NPLOC4: variants seen among roughly 807,000 people sequenced by gnomAD.
The protein encoded by NPLOC4 is NPL4 homolog, ubiquitin recognition factor.
In NPLOC4, 18 loss-of-function variants were observed where a neutral mutation model predicts 80.6. The ratio of observed to expected loss-of-function variants is 0.22; its 90% confidence interval spans 0.15 to 0.33. The LOEUF (loss-of-function observed/expected upper bound fraction) is 0.33, where lower values mean the gene tolerates loss of function less well. Ranked by LOEUF, NPLOC4 falls within the 10% of genes least tolerant of loss-of-function variation. NPLOC4 has a pLI of 1.00. For synonymous variants in NPLOC4, 313 were observed against 301.5 expected (o/e 1.04, Z -0.39); for missense variants, 540 against 786.1 (o/e 0.69, Z 3.74).
intron 8 of NPLOC4, among the ~76,000 whole-genome samples, chr17:81,602,116 AC>A (rs2035072439): frequency 6.6e-6 from 1 of 152,208 alleles, no homozygotes; most frequent in Admixed American, 6.5e-5. Flanking sequence ...AATGTCACAT[AC>A]AAAAAAAACA....
intron 16 of NPLOC4, among the ~76,000 whole-genome samples, chr17:81,561,390 G>A (rs1188143095): frequency 3.3e-5 from 5 of 152,138 alleles, no homozygotes; most frequent in Non-Finnish European, 5.9e-5. Flanking sequence ...CTAATACTGC[G>A]TCCCCCATTG....
At chr17:81,630,413 G>A (rs113948975) in intron 1 of NPLOC4, among the ~76,000 whole-genome samples, 8 of 151,904 alleles carry the variant, frequency 5.3e-5, no homozygotes, top group Non-Finnish European at 7.4e-5. Context: ...TCAGCCTCCC[G>A]AGAGCTGGAA....
chr17:81,596,235 T>C lies in NPLOC4; in HGVS notation c.1001A>G (p.Tyr334Cys). The C allele has an allele frequency of 6.2e-7, 1 of 1,612,492 alleles. No homozygotes were observed. The highest frequency in any genetic ancestry group is 1.3e-5 in the African/African-American group (1 of 75,002). The change falls in exon 11 of 17, where the codon TAT (tyrosine) becomes TGT (cysteine). Residue 334 changes from tyrosine (Y) to cysteine (C), a missense_variant. This residue lies in a region of NPLOC4 where 251 missense variants were observed against 377.5 expected (regional missense o/e 0.66). Coordinates refer to ENST00000331134, the MANE Select transcript of NPLOC4 (RefSeq NM_017921.4). Reference protein sequence around the residue: ...TVRYSRNKDTYFLSSEECITA... With the variant: ...TVRYSRNKDTCFLSSEECITA... ...GATGCACTCTTCTGAACTTAGGAAATAGGTGTCCTAAGACAAGAGAAGCAG... is the reference window on the plus strand; with the variant it reads ...GATGCACTCTTCTGAACTTAGGAAACAGGTGTCCTAAGACAAGAGAAGCAG...
chr17:81,579,238 C>T (rs992858545), intron 12 of NPLOC4, among the ~76,000 whole-genome samples: 6 of 152,236 alleles, frequency 3.9e-5, no homozygotes, highest in East Asian at 1.9e-4. Flanking sequence ...ATTAGCTGGG[C>T]GTGGTGGTGG....
chr17:81,575,325 T>C (rs2034269117), intron 12 of NPLOC4, among the ~76,000 whole-genome samples: 1 of 152,160 alleles, frequency 6.6e-6, no homozygotes, highest in South Asian at 2.1e-4. Context: ...ATGGTCTCGA[T>C]CTCCTGACCT....
chr17:81,625,403 G>C (rs1481028084), intron 2 of NPLOC4, among the ~76,000 whole-genome samples: 3 of 151,900 alleles, frequency 2.0e-5, no homozygotes, highest in African/African-American at 7.3e-5. Flanking sequence ...GCCAGAGCAA[G>C]AGCTCTACAC....
At position 81,604,683 on chromosome 17, in the gene NPLOC4, G is replaced by C. The variant is rs758610446; in HGVS notation, c.699C>G (p.Val233=). The C allele has an allele frequency of 6.2e-7, 1 of 1,613,792 alleles. No homozygotes were observed. Among genetic ancestry groups the C allele is most frequent in the Non-Finnish European group, 8.5e-7 (1 of 1,179,796 alleles). Residue 233 remains valine (V), a synonymous_variant, in exon 8 of 17, where the codon GTC becomes GTG. Coordinates refer to ENST00000331134, the MANE Select transcript of NPLOC4 (RefSeq NM_017921.4). ...VDNIMFENHT[V]ADRFLDFWRK... The stretch of plus-strand genomic sequence containing the variant: ...TCCAGAAGTCAAGAAAGCGGTCAGC[G>C]ACGGTGTGATTCTCAAACATGATAT...
chr17:81,608,907 C>A, intron 5 of NPLOC4, 85 bp from the exon 6 acceptor site: 1 of 1,043,056 alleles, frequency 9.6e-7, no homozygotes, highest in South Asian at 1.4e-5. Flanking sequence ...CAGGGGGAGG[C>A]CAGCAGCATG....
rs2034338833 is a variant in NPLOC4, at chr17:81,577,710, C to T, written c.1282-5622G>A. ...TGCTGGCACCTGGACTCACCATCCT[C>T]CCACACAGACCCATGGCTCTACTCT... is the stretch of plus-strand genomic sequence containing the variant. On this transcript the variant is annotated intron_variant, in intron 12 of 16. Transcript: ENST00000331134. The surrounding 1 kb of genome is among the most constrained non-coding windows in gnomAD (Gnocchi z 4.3). Among the ~76,000 whole-genome samples, 1 of 152,214 alleles carries T rather than the reference C, an allele frequency of 6.6e-6. No homozygotes were observed. The highest frequency in any genetic ancestry group is 1.5e-5 in the Non-Finnish European group (1 of 68,042).
chr17:81,576,220 T>A (rs996914231), intron 12 of NPLOC4, among the ~76,000 whole-genome samples: 1 of 152,238 alleles, frequency 6.6e-6, no homozygotes, highest in African/African-American at 2.4e-5. Context: ...AAATGGATTA[T>A]GGATCTCAAA....
Position 81,572,623 on chromosome 17 carries a change from C to T in NPLOC4, c.1282-535G>A, listed in dbSNP as rs2034191217. Among the ~76,000 whole-genome samples the T allele has an allele frequency of 6.6e-6, 1 of 152,244 alleles. No individual in the cohort carries two copies. Among genetic ancestry groups the T allele is most frequent in the Admixed American group, 6.5e-5 (1 of 15,284 alleles). ...TATAACCACAGCCTGAAAAAGCAGT[C>T]GTGCTCTCGGGCACTGGGACTCCCC... On this transcript the variant is annotated intron_variant, in intron 12 of 16. Coordinates refer to ENST00000331134, the MANE Select transcript of NPLOC4 (RefSeq NM_017921.4). This position sits in a 1 kb window ranked among gnomAD's most constrained non-coding sequence, Gnocchi z 4.5.
intron 2 of NPLOC4, among the ~76,000 whole-genome samples, chr17:81,626,983 G>A (rs2035811068): frequency 6.6e-6 from 1 of 151,836 alleles, no homozygotes; most frequent in African/African-American, 2.4e-5. Context: ...CCAGCTACTC[G>A]GGAGGCTGAG....
Position 81,613,324 on chromosome 17 carries a change from G to C in NPLOC4, c.380C>G (p.Pro127Arg). The C allele has an allele frequency of 5.6e-6, 9 of 1,613,218 alleles. No homozygotes were observed. Among genetic ancestry groups the C allele is most frequent in the Non-Finnish European group, 7.6e-6 (9 of 1,179,598 alleles). Residue 127 changes from proline (P) to arginine (R), a missense_variant, in exon 4 of 17, where the codon CCA becomes CGA. Pro to Arg is a moderately radical substitution (Grantham distance 103, BLOSUM62 -2). Around this residue, in one of 6 missense-constraint regions of NPLOC4, gnomAD observed 74 missense variants for 75.7 expected, o/e 0.98. Transcript: ENST00000331134. The stretch of plus-strand genomic sequence containing the variant: ...AATCTCATGGATCACTTACAGCTGT[G>C]GGTCTCGGCTTCTGTAAATCTTCCC... ...QDGKIYRSRD[P>R]QLCRHGPLGK...
intron 1 of NPLOC4, among the ~76,000 whole-genome samples, chr17:81,635,863 GT>G (rs1475772370): frequency 2.0e-5 from 3 of 152,004 alleles, no homozygotes; most frequent in Admixed American, 6.6e-5. Context: ...TGGTCAGTTA[GT>G]TTTTTTCCCA....
chr17:81,615,017 C>T (rs951337129), intron 3 of NPLOC4, among the ~76,000 whole-genome samples: 5 of 151,978 alleles, frequency 3.3e-5, no homozygotes, highest in Admixed American at 6.6e-5. Flanking sequence ...AGCTCTTCAA[C>T]TAATTTCTTT....
intron 3 of NPLOC4, among the ~76,000 whole-genome samples, chr17:81,617,590 A>C (rs1484080967): frequency 6.6e-6 from 1 of 152,186 alleles, no homozygotes; most frequent in Non-Finnish European, 1.5e-5. Flanking sequence ...CAGGTGGATC[A>C]CAAGGTCGGG....
chr17:81,597,375 G>A, intron 9 of NPLOC4, 59 bp from the exon 10 acceptor site: 1 of 1,351,316 alleles, frequency 7.4e-7, no homozygotes, highest in Non-Finnish European at 1.1e-6. Context: ...GAATGGCTGG[G>A]CGCAGTGACT....
At chr17:81,559,635 C>G (rs1395793255) in intron 16 of NPLOC4, among the ~76,000 whole-genome samples, 1 of 152,104 alleles carries the variant, frequency 6.6e-6, no homozygotes, top group South Asian at 2.1e-4. Context: ...TAACAGGGAG[C>G]CTGTGCTTGC....
At position 81,558,935 on chromosome 17, in the gene NPLOC4, G is replaced by A. The variant is rs549449103; in HGVS notation, c.*324C>T. The stretch of plus-strand genomic sequence containing the variant: ...GGTGGCAGCATCGGCCCCTCCCTGT[G>A]CGCCCCAATTCCAGGTGCCACGTAG... On this transcript the variant is annotated 3_prime_UTR_variant, in exon 17 of 17. Coordinates refer to ENST00000331134, the MANE Select transcript of NPLOC4 (RefSeq NM_017921.4). The A allele has an allele frequency of 1.3e-5, 3 of 239,266 alleles. No individual in the cohort carries two copies. Among genetic ancestry groups the A allele is most frequent in the East Asian group, 8.5e-5 (1 of 11,746 alleles). 14.8% of individuals were successfully genotyped at this position (239,266 alleles called of 1,614,324 possible). A position where few individuals can be genotyped will look rare whatever the true frequency, so the allele number is the denominator to read the frequency against.
Sources: allele counts gnomAD v4.1 joint callset (sites outside exome capture counted in the v4.1 genomes callset), GRCh38; gene constraint gnomAD v4.1.1; regional missense constraint gnomAD v4.1.1; non-coding constraint Gnocchi (gnomAD v3.1); transcripts MANE v1.5; gene names NCBI Gene and HGNC (gene_info 2026-07-23, HGNC 2026-07-21).